Variants in KIAA0319L observed in about 807,000 individuals in gnomAD.
The protein encoded by KIAA0319L is KIAA0319 like, also known as dyslexia-associated protein KIAA0319-like protein.
In KIAA0319L, 55 loss-of-function variants were observed where a neutral mutation model predicts 120.1. The ratio of observed to expected loss-of-function variants is 0.46; its 90% CI spans 0.37 to 0.57. The LOEUF is 0.57. Among genes scored for constraint, KIAA0319L ranks in the 20% least tolerant of loss-of-function variants. The pLI is 0.00. For synonymous variants in KIAA0319L, 398 were observed against 471.9 expected (o/e 0.84, Z 2.03); for missense variants, 1,049 against 1,255.3 (o/e 0.84, Z 2.48).
intron 2 of KIAA0319L, among the ~76,000 whole-genome samples, chr1:35,511,809 T>G (rs937206318): frequency 6.6e-6 from 1 of 152,194 alleles, no homozygotes; most frequent in Non-Finnish European, 1.5e-5. Context: ...CAGAATACTA[T>G]GTACCATTTG....
At chr1:35,502,964 T>C (rs1025796648) in intron 3 of KIAA0319L, among the ~76,000 whole-genome samples, 1 of 152,164 alleles carries the variant, frequency 6.6e-6, no homozygotes, top group African/African-American at 2.4e-5. Context: ...TCACACAACT[T>C]AAAGATCAGT....
chr1:35,503,362 G>A (rs1432625579), intron 3 of KIAA0319L, among the ~76,000 whole-genome samples: 4 of 152,098 alleles, frequency 2.6e-5, no homozygotes, highest in Non-Finnish European at 5.9e-5. Context: ...GCCCTATAAG[G>A]CAGTGGTTCT....
At chr1:35,544,793 T>C (rs1646922082) in intron 2 of KIAA0319L, among the ~76,000 whole-genome samples, 1 of 152,306 alleles carries the variant, frequency 6.6e-6, no homozygotes, top group Non-Finnish European at 1.5e-5. Context: ...AGACTCACCG[T>C]CCTGCCGTAA....
At chr1:35,541,504 C>A (rs560329419) in intron 2 of KIAA0319L, among the ~76,000 whole-genome samples, 1 of 152,012 alleles carries the variant, frequency 6.6e-6, no homozygotes, top group South Asian at 2.1e-4. Flanking sequence ...CATGCACCAC[C>A]ACACCTGGCT....
intron 4 of KIAA0319L, 77 bp from the exon 5 acceptor site, chr1:35,474,983 A>G: frequency 1.2e-6 from 1 of 832,838 alleles, no homozygotes; most frequent in Non-Finnish European, 1.9e-6. Flanking sequence ...TTGTGATCAA[A>G]CTCCTTTCAT....
chr1:35,526,004 T>C (rs1378070943), intron 2 of KIAA0319L, among the ~76,000 whole-genome samples: 1 of 152,122 alleles, frequency 6.6e-6, no homozygotes, highest in Non-Finnish European at 1.5e-5. Context: ...TTTGAGTTGA[T>C]TTTTGTATAT....
At chr1:35,538,490 C>T (rs1213682943) in intron 2 of KIAA0319L, among the ~76,000 whole-genome samples, 3 of 147,450 alleles carry the variant, frequency 2.0e-5, no homozygotes, top group African/African-American at 7.6e-5. Context: ...ACTCGGGAGG[C>T]TGAGGCAGGA....
In KIAA0319L at chr1:35,444,240, C is replaced by T. The variant is rs1641445992; in HGVS notation, c.2577G>A (p.Val859=). The change falls in exon 17 of 21, where the codon GTG becomes GTA. Residue 859 remains valine (V), a synonymous_variant. Coordinates refer to ENST00000325722, the MANE Select transcript of KIAA0319L (RefSeq NM_024874.5). ...GCAGCTCACTCTTGAGCATCGCTGC[C>T]ACCTCATGGCCTTTGAAGATCTGGT... is the stretch of plus-strand genomic sequence containing the variant. ...PPHQIFKGHE[V]AAMLKSELRK... 2.5e-6 allele frequency: 4 copies of T among 1,609,438 alleles called. No homozygotes were observed. Among genetic ancestry groups the T allele is most frequent in the South Asian group, 1.1e-5 (1 of 89,858 alleles).
In KIAA0319L at chr1:35,450,380, T is replaced by C; in HGVS notation, c.2192A>G (p.Asp731Gly). ...KGIVSYLWTRDEGSPAAGEVL... is the reference protein window; with the variant it reads ...KGIVSYLWTRGEGSPAAGEVL... ...TACCCCTGCTGCTGGGCTCCCCTCA[T>C]CTCGAGTCCAGAGGTAGCTGACTAT... The change falls in exon 14 of 21, where the codon GAT (aspartate) becomes GGT (glycine). Residue 731 changes from aspartate to glycine, a missense_variant. Coordinates refer to ENST00000325722, the MANE Select transcript of KIAA0319L (RefSeq NM_024874.5). The C allele has an allele frequency of 6.2e-7, 1 of 1,613,948 alleles. No homozygotes were observed. Among genetic ancestry groups the C allele is most frequent in the Non-Finnish European group, 8.5e-7 (1 of 1,179,930 alleles).
At chr1:35,510,978 A>G (rs529731106) in intron 2 of KIAA0319L, 3 of 152,376 alleles carry the variant, frequency 2.0e-5, no homozygotes, top group East Asian at 1.9e-4. Flanking sequence ...TTGTTGGAGC[A>G]TCAGAAAAAC....
intron 2 of KIAA0319L, among the ~76,000 whole-genome samples, chr1:35,508,262 C>T (rs548956891): frequency 3.9e-5 from 6 of 152,238 alleles, no homozygotes; most frequent in African/African-American, 1.4e-4. Context: ...CTAGTCCTGG[C>T]CCTGGGCTTA....
chr1:35,496,503 A>G (rs1644812345), intron 3 of KIAA0319L, among the ~76,000 whole-genome samples: 1 of 152,252 alleles, frequency 6.6e-6, no homozygotes, highest in Admixed American at 6.5e-5. Context: ...ATTAAAATAT[A>G]TGCTATACAA....
At chr1:35,526,269 T>C (rs868756778) in intron 2 of KIAA0319L, among the ~76,000 whole-genome samples, 4 of 148,134 alleles carry the variant, frequency 2.7e-5, no homozygotes, top group Admixed American at 6.8e-5. Flanking sequence ...CATATATATA[T>C]ATATGTATAT....
chr1:35,474,518 AC>A (rs1206049165), intron 5 of KIAA0319L, among the ~76,000 whole-genome samples: 1 of 152,236 alleles, frequency 6.6e-6, no homozygotes, highest in Non-Finnish European at 1.5e-5. Context: ...TTTTGGTCAA[AC>A]AACCAGTAAA....
chr1:35,448,076 C>T, intron 16 of KIAA0319L, 97 bp downstream of exon 16: 1 of 1,200,880 alleles, frequency 8.3e-7, no homozygotes, highest in Non-Finnish European at 1.2e-6. Context: ...TCAGAAAGCC[C>T]ACCTTTCTCT....
chr1:35,453,806 C>A lies in KIAA0319L; in HGVS notation c.1781-117G>T. ...TCTGCCTCTCAGGCCACAGAACTGT[C>A]AGATACTGTGGGAGATGTGGTTACC... On this transcript the variant is annotated intron_variant, in intron 11 of 20. Transcript: ENST00000325722. The surrounding 1 kb of genome is among the most constrained non-coding windows in gnomAD (Gnocchi z 4.1). 1 of 986,960 alleles carries A rather than the reference C, an allele frequency of 1.0e-6. No homozygotes were observed. The highest frequency in any genetic ancestry group is 1.7e-5 in the South Asian group (1 of 57,368). The allele number at this position is 986,960 out of a possible 1,614,324, so 61.1% of individuals were successfully genotyped here. A position where few individuals can be genotyped will look rare whatever the true frequency, so the allele number is the denominator to read the frequency against.
chr1:35,513,436 G>C (rs964329978), intron 2 of KIAA0319L, among the ~76,000 whole-genome samples: 2 of 151,594 alleles, frequency 1.3e-5, no homozygotes, highest in African/African-American at 2.4e-5. Context: ...GCAACATAGC[G>C]AGACCTTGTC....
At chr1:35,530,825 C>T (rs1160554611) in intron 2 of KIAA0319L, among the ~76,000 whole-genome samples, 8 of 152,012 alleles carry the variant, frequency 5.3e-5, no homozygotes, top group East Asian at 1.9e-4. Context: ...AGTCTCCATA[C>T]GATTTCTTCG....
chr1:35,451,830 C>G, intron 12 of KIAA0319L, 54 bp from the exon 13 acceptor site: 1 of 1,574,294 alleles, frequency 6.4e-7, no homozygotes, highest in Non-Finnish European at 8.7e-7. Context: ...GCTGTCCTGT[C>G]CCTAACTTAG....
Sources: allele counts gnomAD v4.1 joint callset (sites outside exome capture counted in the v4.1 genomes callset), GRCh38; gene constraint gnomAD v4.1.1; non-coding constraint Gnocchi (gnomAD v3.1); transcripts MANE v1.5; gene names NCBI Gene and HGNC (gene_info 2026-07-23, HGNC 2026-07-21).